Variants in SRGAP3 observed in about 807,000 individuals in gnomAD.
SRGAP3 encodes SLIT-ROBO Rho GTPase-activating protein 3.
SRGAP3 carries 39 observed loss-of-function variants against 121.1 expected under a neutral mutation model. The ratio of observed to expected loss-of-function variants is 0.32; its 90% CI spans 0.25 to 0.42. The LOEUF is 0.42. SRGAP3 is among the 10% of genes least tolerant of loss of function. The pLI is 1.00. For missense variants in SRGAP3, 1,213 were observed against 1,470.6 expected, an observed-to-expected ratio of 0.82 and a Z score of 2.86; for synonymous variants, 601 against 570.0, an observed-to-expected ratio of 1.05 and a Z score of -0.77.
intron 3 of SRGAP3, among the ~76,000 whole-genome samples, chr3:9,311,990 TG>T (rs1252055865): frequency 6.6e-6 from 1 of 152,254 alleles, no homozygotes; most frequent in African/African-American, 2.4e-5. Flanking sequence ...AGAGTTCAGC[TG>T]GACTAGTAAA....
chr3:9,333,861 C>T (rs975526627), intron 1 of SRGAP3, among the ~76,000 whole-genome samples: 1 of 152,068 alleles, frequency 6.6e-6, no homozygotes, highest in Non-Finnish European at 1.5e-5. Context: ...TGAGAGTCTC[C>T]CACCTGCTAT....
intron 3 of SRGAP3, among the ~76,000 whole-genome samples, chr3:9,261,189 C>G (rs1057074569): frequency 1.3e-5 from 2 of 152,092 alleles, no homozygotes; most frequent in Non-Finnish European, 2.9e-5. Flanking sequence ...AAGCTCCATC[C>G]AAAGGTCACC....
At chr3:9,303,549 G>A (rs768183207) in intron 3 of SRGAP3, among the ~76,000 whole-genome samples, 3 of 151,820 alleles carry the variant, frequency 2.0e-5, no homozygotes, top group Non-Finnish European at 4.4e-5. Context: ...TAATCATCTT[G>A]CATACCTGAA....
intron 21 of SRGAP3, among the ~76,000 whole-genome samples, chr3:8,988,317 C>G (rs1052642865): frequency 1.3e-5 from 2 of 152,210 alleles, no homozygotes; most frequent in Admixed American, 6.5e-5. Flanking sequence ...ATTTGGGTCA[C>G]TCGGCCTACT....
In SRGAP3 at chr3:9,206,529, G is replaced by GAC. The variant is rs546763011; in HGVS notation, c.67+42354_67+42355dup. Among the ~76,000 whole-genome samples, 4 of 152,180 alleles carry GAC rather than the reference G, an allele frequency of 2.6e-5. No homozygotes were observed. In the South Asian group the frequency reaches 8.3e-4, roughly 32 times the overall value. On this transcript the variant is annotated intron_variant, in intron 1 of 21. Transcript: ENST00000383836. ...GGTTATGGCCCCTCGATGCCTCTCT[G>GAC]ACCTCATCTTCTATTTCTCTCCCTT...
intron 3 of SRGAP3, among the ~76,000 whole-genome samples, chr3:9,264,124 T>C (rs1954309146): frequency 6.6e-6 from 1 of 152,166 alleles, no homozygotes; most frequent in Non-Finnish European, 1.5e-5. Flanking sequence ...AAAAACCACA[T>C]GATTATCTCA....
intron 3 of SRGAP3, among the ~76,000 whole-genome samples, chr3:9,271,693 A>T (rs1474139591): frequency 6.6e-6 from 1 of 152,200 alleles, no homozygotes; most frequent in Non-Finnish European, 1.5e-5. Context: ...TTCCCCATTG[A>T]ACATAAAGTG....
intron 1 of SRGAP3, among the ~76,000 whole-genome samples, chr3:9,208,016 C>G (rs1952324479): frequency 6.6e-6 from 1 of 152,158 alleles, no homozygotes; most frequent in Admixed American, 6.5e-5. Flanking sequence ...AACCTTACTT[C>G]CAGCAACGTC....
chr3:9,312,810 C>A (rs1263373633), intron 3 of SRGAP3, among the ~76,000 whole-genome samples: 5 of 152,036 alleles, frequency 3.3e-5, no homozygotes, highest in Admixed American at 3.3e-4. Flanking sequence ...CATAGCGAGA[C>A]CCTGTCTCTT....
chr3:9,098,871 G>A (rs1371454715), intron 3 of SRGAP3, among the ~76,000 whole-genome samples: 1 of 152,138 alleles, frequency 6.6e-6, no homozygotes, highest in African/African-American at 2.4e-5. Flanking sequence ...GGCTTAGCAG[G>A]CTCTACTGGC....
chr3:9,249,115 C>T lies in SRGAP3; in HGVS notation c.-164G>A. 1 of 725,036 alleles carries T rather than the reference C, an allele frequency of 1.4e-6. No individual in the cohort carries two copies. 44.9% of individuals were successfully genotyped at this position (725,036 alleles called of 1,614,324 possible). On this transcript the variant is annotated 5_prime_UTR_variant, in exon 1 of 22. Transcript: ENST00000383836. ...CAGAGCAGGGAGAAAAATCCTTCTC[C>T]TTCTGGAAGGAAAAATCTCTTTACT...
intron 6 of SRGAP3, 68 bp from the exon 7 acceptor site, chr3:9,058,540 C>T: frequency 6.8e-7 from 1 of 1,477,806 alleles, no homozygotes; most frequent in South Asian, 1.1e-5. Flanking sequence ...TCACTGGCCA[C>T]CACAGTGACT....
chr3:9,362,788 C>G (rs1459391860), intron 1 of SRGAP3: 2 of 152,138 alleles, frequency 1.3e-5, no homozygotes, highest in African/African-American at 2.4e-5. Flanking sequence ...TTCATAGGTG[C>G]TAGAACAAAA....
chr3:9,262,681 T>C (rs1449721324), intron 3 of SRGAP3, among the ~76,000 whole-genome samples: 2 of 151,888 alleles, frequency 1.3e-5, no homozygotes, highest in Non-Finnish European at 2.9e-5. Context: ...TTATCCTAAA[T>C]ATATATGCAC....
At position 8,986,044 on chromosome 3, in the gene SRGAP3, G is replaced by A. The variant is rs1269277734; in HGVS notation, c.2887-112C>T. On this transcript the variant is annotated intron_variant, in intron 21 of 21. Coordinates refer to ENST00000383836, the MANE Select transcript of SRGAP3 (RefSeq NM_014850.4). ...CAGGTTCCCCAGAAGCCTCGCGGCA[G>A]GGATGGAGATTAAGTCCTCAGGATG... The A allele has an allele frequency of 2.6e-6, 4 of 1,557,632 alleles. No individual in the cohort carries two copies. The East Asian group carries it at 9.4e-5, about 36-fold the overall frequency.
intron 9 of SRGAP3, 114 bp downstream of exon 9, chr3:9,052,913 A>T (rs1945651910): frequency 4.0e-6 from 5 of 1,262,480 alleles, no homozygotes; most frequent in African/African-American, 1.5e-5. Flanking sequence ...ATGGAGTCTT[A>T]GATCCAATTG....
chr3:9,019,430 C>T (rs1239491297), intron 14 of SRGAP3, among the ~76,000 whole-genome samples: 1 of 152,228 alleles, frequency 6.6e-6, no homozygotes, highest in Admixed American at 6.5e-5. Flanking sequence ...AGGGGAGTAG[C>T]ACTTTTCAAT....
chr3:9,200,986 G>A lies in SRGAP3; in HGVS notation c.67+47899C>T, dbSNP rs80156349. ...GTGGTTTGGAAATGCACCGAGGGAG[G>A]CCCTGGAGCAGAGGAGGGTCAGCAT... On this transcript the variant is annotated intron_variant, in intron 1 of 21. Coordinates refer to ENST00000383836, the MANE Select transcript of SRGAP3 (RefSeq NM_014850.4). Among the ~76,000 whole-genome samples the A allele has an allele frequency of 7.9e-4, 121 of 152,288 alleles. 3 individuals carry two copies. The East Asian group carries it at 0.016, about 20-fold the overall frequency.
intron 11 of SRGAP3, chr3:9,034,524 T>C (rs1477392117): frequency 2.6e-5 from 4 of 152,232 alleles, no homozygotes; most frequent in African/African-American, 4.8e-5. Context: ...TGTTTGAGTA[T>C]TGAGCAAATG....
Sources: allele counts gnomAD v4.1 joint callset (sites outside exome capture counted in the v4.1 genomes callset), GRCh38; gene constraint gnomAD v4.1.1; transcripts MANE v1.5; gene names NCBI Gene and HGNC (gene_info 2026-07-23, HGNC 2026-07-21).